The following OR52N4 variants were observed in gnomAD, a reference collection of about 807,000 sequenced individuals.
OR52N4 encodes the protein olfactory receptor 52N4.
A neutral mutation model predicts 15.0 loss-of-function variants in OR52N4; 15 were observed. The ratio of observed to expected loss-of-function variants is 1.00; its 90% confidence interval spans 0.67 to 1.54. The LOEUF (loss-of-function observed/expected upper bound fraction) is 1.54. OR52N4 is among the 40% of genes most tolerant of loss of function. The pLI is 0.00. For missense variants in OR52N4, 421 were observed against 394.0 expected, an observed-to-expected ratio of 1.07 and a Z score of -0.58; for synonymous variants, 143 against 143.7, an observed-to-expected ratio of 1.00 and a Z score of 0.03.
In OR52N4 at chr11:5,755,801, T is replaced by C; in HGVS notation, c.*95T>C. 1 of 1,419,118 alleles carries C rather than the reference T, an allele frequency of 7.0e-7. No individual in the cohort carries two copies. Among genetic ancestry groups the C allele is most frequent in the Non-Finnish European group, 9.4e-7 (1 of 1,060,448 alleles). 87.9% of individuals were successfully genotyped at this position (1,419,118 alleles called of 1,614,324 possible). A position where few individuals can be genotyped will look rare whatever the true frequency, so the allele number is the denominator to read the frequency against. ...TAAAATCTTTCTGGAAGCACTGTAT[T>C]GATCACAAAATGGAGTTTGTTAACT... On this transcript the variant is annotated 3_prime_UTR_variant, in exon 2 of 2. Coordinates refer to ENST00000641350, the MANE Select transcript of OR52N4 (RefSeq NM_001005175.5).
At chr11:5,738,863 A>C in the OR52N4 span, among the ~76,000 whole-genome samples, 1 of 131,580 alleles carries the variant, frequency 7.6e-6, no homozygotes, top group Admixed American at 7.2e-5. Flanking sequence ...CTTTCCATTA[A>C]ACACATGCTC....
chr11:5,736,415 G>C, the OR52N4 span: 1 of 974,822 alleles, frequency 1.0e-6, no homozygotes, highest in Admixed American at 2.1e-5. Context: ...CTAAAGAGAT[G>C]AAGAAAGGCT....
chr11:5,736,922 T>G, the OR52N4 span: 1 of 1,614,084 alleles, frequency 6.2e-7, no homozygotes, highest in Non-Finnish European at 8.5e-7. Context: ...TGTGGCTATT[T>G]GTCACCCTCT....
chr11:5,736,786 C>A, the OR52N4 span: 2 of 1,614,064 alleles, frequency 1.2e-6, no homozygotes, highest in Non-Finnish European at 1.7e-6. Flanking sequence ...TCCCTAAGAT[C>A]CTGGCCATCT....
chr11:5,739,530 C>T, the OR52N4 span, among the ~76,000 whole-genome samples: 1 of 99,326 alleles, frequency 1.0e-5, no homozygotes, highest in Admixed American at 1.1e-4. Context: ...CCATTGCACT[C>T]CAACCTAGGT....
chr11:5,753,307 T>TC (rs1036691055), upstream of OR52N4, among the ~76,000 whole-genome samples: 3 of 152,150 alleles, frequency 2.0e-5, no homozygotes, highest in African/African-American at 7.2e-5. Flanking sequence ...ATTTTAGCTG[T>TC]CCTGTTTGGT....
At chr11:5,744,134 A>C in the OR52N4 span, among the ~76,000 whole-genome samples, 1 of 152,212 alleles carries the variant, frequency 6.6e-6, no homozygotes, top group Non-Finnish European at 1.5e-5. Context: ...AAGACGGATA[A>C]ATTCTGGTTA....
At chr11:5,727,513 A>G in the OR52N4 span, 2 of 152,094 alleles carry the variant, frequency 1.3e-5, no homozygotes, top group African/African-American at 4.8e-5. Flanking sequence ...AAACCTTTTC[A>G]AGATAATCCT....
chr11:5,730,911 TC>T, the OR52N4 span, among the ~76,000 whole-genome samples: 2 of 152,018 alleles, frequency 1.3e-5, no homozygotes, highest in African/African-American at 4.8e-5. Flanking sequence ...ACTAATTCCT[TC>T]CCACTGTCAT....
chr11:5,754,013 A>C (rs1057216871), upstream of OR52N4, among the ~76,000 whole-genome samples: 2 of 151,096 alleles, frequency 1.3e-5, no homozygotes, highest in African/African-American at 4.8e-5. Flanking sequence ...AAAAAAAAAA[A>C]AATCCCAGTA....
chr11:5,748,484 A>T, the OR52N4 span, among the ~76,000 whole-genome samples: 1 of 151,802 alleles, frequency 6.6e-6, no homozygotes, highest in Non-Finnish European at 1.5e-5. Context: ...TTAATATATA[A>T]GTGTAATAAG....
At chr11:5,736,147 G>T in the OR52N4 span, 1 of 220,910 alleles carries the variant, frequency 4.5e-6, no homozygotes. Context: ...GAACATGAAA[G>T]AAAACTATCC....
the OR52N4 span, chr11:5,734,091 T>C: frequency 8.9e-6 from 4 of 449,322 alleles, no homozygotes; most frequent in Non-Finnish European, 1.8e-5. Context: ...ATTTCAGAAG[T>C]TTATAATTTC....
chr11:5,749,627 T>C (rs1403097279), upstream of OR52N4, among the ~76,000 whole-genome samples: 1 of 151,928 alleles, frequency 6.6e-6, no homozygotes, highest in African/African-American at 2.4e-5. Flanking sequence ...CTAATTTTCC[T>C]TGGTTATTTC....
At chr11:5,729,245 G>C in the OR52N4 span, among the ~76,000 whole-genome samples, 18 of 143,728 alleles carry the variant, frequency 1.3e-4, no homozygotes, top group Admixed American at 1.3e-3. Flanking sequence ...TCAGCCTCCC[G>C]AGTAGCTAGG....
chr11:5,729,402 G>C, the OR52N4 span, among the ~76,000 whole-genome samples: 5 of 152,224 alleles, frequency 3.3e-5, no homozygotes, highest in South Asian at 6.2e-4. Flanking sequence ...TTACAGGCGT[G>C]AGCCACCGTG....
chr11:5,741,423 G>A, the OR52N4 span, among the ~76,000 whole-genome samples: 4 of 152,226 alleles, frequency 2.6e-5, no homozygotes, highest in African/African-American at 4.8e-5. Context: ...GATGGACGAT[G>A]ATGAGTCAAG....
At chr11:5,736,418 G>A in the OR52N4 span, 4 of 1,002,846 alleles carry the variant, frequency 4.0e-6, no homozygotes, top group Non-Finnish European at 6.0e-6. Flanking sequence ...AAGAGATGAA[G>A]AAAGGCTTAG....
At chr11:5,728,894 A>T in the OR52N4 span, among the ~76,000 whole-genome samples, 1 of 151,738 alleles carries the variant, frequency 6.6e-6, no homozygotes, top group Non-Finnish European at 1.5e-5. Context: ...CTAACCCTCA[A>T]TTTTTTTTAT....
Sources: gnomAD v4.1 joint callset for allele counts (sites outside exome capture counted in the v4.1 genomes callset) on GRCh38, gnomAD v4.1.1 for gene constraint, MANE v1.5 for transcripts, NCBI Gene and HGNC (gene_info 2026-07-23, HGNC 2026-07-21) for gene names.